The following DOCK9 variants were observed in gnomAD, a reference collection of about 807,000 sequenced individuals.
DOCK9 encodes the protein dedicator of cytokinesis 9, also known as dedicator of cytokinesis protein 9.
DOCK9 carries 89 observed loss-of-function variants against 263.3 expected under a neutral mutation model. That is an observed-to-expected ratio of 0.34 (90% CI 0.28 to 0.40). The LOEUF is 0.40. Ranked by LOEUF, DOCK9 falls within the 10% of genes least tolerant of loss-of-function variation. DOCK9 has a pLI of 1.00. For missense variants in DOCK9, 2,140 were observed against 2,603.4 expected, an observed-to-expected ratio of 0.82 and a Z score of 3.87; for synonymous variants, 976 against 973.1, an observed-to-expected ratio of 1.00 and a Z score of -0.06.
chr13:99,038,740 A>G (rs1347176718), intron 1 of DOCK9, among the ~76,000 whole-genome samples: 1 of 152,226 alleles, frequency 6.6e-6, no homozygotes, highest in African/African-American at 2.4e-5. Context: ...GGGAAAGCAC[A>G]TTTACACTCA....
At chr13:98,900,244 A>G (rs1221797534) in intron 13 of DOCK9, among the ~76,000 whole-genome samples, 1 of 152,212 alleles carries the variant, frequency 6.6e-6, no homozygotes, top group Non-Finnish European at 1.5e-5. Flanking sequence ...TTTAGCCTAC[A>G]GTGATATGTG....
intron 1 of DOCK9, among the ~76,000 whole-genome samples, chr13:98,964,970 T>C (rs1398600821): frequency 6.6e-6 from 1 of 152,154 alleles, no homozygotes; most frequent in Non-Finnish European, 1.5e-5. Context: ...CTGCTCCACC[T>C]TCACCCATAC....
chr13:98,878,979 C>T (rs878996674), intron 27 of DOCK9, among the ~76,000 whole-genome samples: 19 of 152,220 alleles, frequency 1.2e-4, no homozygotes, highest in African/African-American at 4.6e-4. Context: ...CAGCACCACC[C>T]GCTCCCTGCA....
At chr13:98,960,397 G>A (rs1250859960) in intron 1 of DOCK9, among the ~76,000 whole-genome samples, 17 of 152,006 alleles carry the variant, frequency 1.1e-4, no homozygotes, top group Admixed American at 1.1e-3. Context: ...ATACACACTG[G>A]GTGACTGCTG....
chr13:98,895,236 T>C (rs2047233102), intron 15 of DOCK9, among the ~76,000 whole-genome samples: 1 of 151,804 alleles, frequency 6.6e-6, no homozygotes, highest in Admixed American at 6.6e-5. Flanking sequence ...GCATTAAAAA[T>C]GATGTCTATA....
intron 18 of DOCK9, 116 bp from the exon 19 acceptor site, chr13:98,886,740 T>C (rs1412208678): frequency 2.1e-6 from 2 of 940,384 alleles, no homozygotes; most frequent in Non-Finnish European, 3.2e-6. Context: ...TCGCCACCTC[T>C]GATGGGCCCC....
At chr13:98,987,397 G>A (rs1451579826) in intron 1 of DOCK9, among the ~76,000 whole-genome samples, 3 of 152,146 alleles carry the variant, frequency 2.0e-5, no homozygotes, top group Non-Finnish European at 4.4e-5. Context: ...ACAGCGAGAC[G>A]TTTAATCAAA....
At chr13:99,008,743 T>C (rs1481735213) in intron 1 of DOCK9, among the ~76,000 whole-genome samples, 2 of 152,190 alleles carry the variant, frequency 1.3e-5, no homozygotes, top group African/African-American at 4.8e-5. Context: ...GAAGGCTATC[T>C]TGGCTTCTTC....
intron 2 of DOCK9, among the ~76,000 whole-genome samples, chr13:98,953,897 T>C (rs2057727782): frequency 6.6e-6 from 1 of 152,196 alleles, no homozygotes; most frequent in Non-Finnish European, 1.5e-5. Context: ...GGCATTCCTT[T>C]TATGCAGGAC....
intron 1 of DOCK9, among the ~76,000 whole-genome samples, chr13:99,041,588 C>T (rs1382738659): frequency 1.3e-5 from 2 of 152,094 alleles, no homozygotes; most frequent in Non-Finnish European, 2.9e-5. Context: ...TCCTGAAGTA[C>T]ACTTCCTACT....
At chr13:98,931,609 T>A (rs1465220888) in intron 2 of DOCK9, among the ~76,000 whole-genome samples, 2 of 151,174 alleles carry the variant, frequency 1.3e-5, no homozygotes, top group South Asian at 2.1e-4. Context: ...AATTTTTTAA[T>A]TTTTTTGAGA....
chr13:98,912,150 G>A (rs1300164013), intron 9 of DOCK9, among the ~76,000 whole-genome samples: 1 of 152,070 alleles, frequency 6.6e-6, no homozygotes, highest in South Asian at 2.1e-4. Flanking sequence ...GGGATTACAG[G>A]CATGAGCCAC....
At chr13:98,910,836 G>C (rs1473596892) in intron 9 of DOCK9, among the ~76,000 whole-genome samples, 1 of 151,928 alleles carries the variant, frequency 6.6e-6, no homozygotes, top group Non-Finnish European at 1.5e-5. Flanking sequence ...CATACCCTGG[G>C]TAAACTCCTT....
At chr13:98,867,886 C>T (rs2094077960) in intron 29 of DOCK9, 42 bp downstream of exon 29, 1 of 1,533,940 alleles carries the variant, frequency 6.5e-7, no homozygotes, top group Non-Finnish European at 8.9e-7. Flanking sequence ...CAGAGAAAGG[C>T]TACATGGTGA....
chr13:98,920,593 T>C (rs937588767), intron 7 of DOCK9, among the ~76,000 whole-genome samples: 7 of 152,248 alleles, frequency 4.6e-5, no homozygotes, highest in African/African-American at 1.7e-4. Context: ...GCGATAAAAA[T>C]CACCACTGAG....
intron 1 of DOCK9, among the ~76,000 whole-genome samples, chr13:99,002,840 C>G (rs1459765741): frequency 6.6e-6 from 1 of 152,204 alleles, no homozygotes. Context: ...GTCCTACTCA[C>G]TTGCTGTGTG....
At position 98,885,754 on chromosome 13, in the gene DOCK9, G is replaced by C; in HGVS notation, c.2214C>G (p.Asn738Lys). 1.2e-6 allele frequency: 2 copies of C among 1,612,370 alleles called. No individual in the cohort carries two copies. The highest frequency in any genetic ancestry group is 1.7e-6 in the Non-Finnish European group (2 of 1,179,512). ...LLTFFHVSCD[N>K]SSKGSTKKRD... ...TCTTCTTCGTGCTTCCTTTACTTGA[G>C]TTGTCACAGCTGACATGGAAGAATG... The change falls in exon 20 of 53, where the codon AAC (asparagine) becomes AAG (lysine). Residue 738 changes from asparagine (N) to lysine (K), a missense_variant. Coordinates refer to ENST00000682017, the MANE Select transcript of DOCK9 (RefSeq NM_001366683.2).
At chr13:99,052,767 CTTTT>C (rs538480665) in intron 1 of DOCK9, among the ~76,000 whole-genome samples, 1 of 139,374 alleles carries the variant, frequency 7.2e-6, no homozygotes. Flanking sequence ...CACCAGCCTT[CTTTT>C]TTTTTTTTTT....
At chr13:98,985,799 A>G (rs1342617087) in intron 1 of DOCK9, among the ~76,000 whole-genome samples, 1 of 104,950 alleles carries the variant, frequency 9.5e-6, no homozygotes, top group African/African-American at 3.7e-5. Flanking sequence ...CTCAGCTTTG[A>G]GCGCTGGTGA....
Sources: gnomAD v4.1 joint callset for allele counts (sites outside exome capture counted in the v4.1 genomes callset) on GRCh38, gnomAD v4.1.1 for gene constraint, MANE v1.5 for transcripts, NCBI Gene and HGNC (gene_info 2026-07-23, HGNC 2026-07-21) for gene names.